The following THSD7B variants were observed in gnomAD, a reference collection of about 807,000 sequenced individuals.
THSD7B encodes the protein thrombospondin type-1 domain-containing protein 7B.
THSD7B carries 138 observed loss-of-function variants against 213.6 expected under a neutral mutation model. The ratio of observed to expected loss-of-function variants is 0.65; its 90% confidence interval spans 0.56 to 0.74. The LOEUF (loss-of-function observed/expected upper bound fraction) is 0.74. Ranked by LOEUF, THSD7B falls within the 30% of genes least tolerant of loss-of-function variation. The pLI is 0.00. For synonymous variants in THSD7B, 742 were observed against 687.0 expected (o/e 1.08, Z -1.25); for missense variants, 1,931 against 1,991.5 (o/e 0.97, Z 0.58).
At chr2:136,825,875 A>G (rs1430480532) in intron 1 of THSD7B, among the ~76,000 whole-genome samples, 4 of 152,116 alleles carry the variant, frequency 2.6e-5, no homozygotes, top group Non-Finnish European at 4.4e-5. Flanking sequence ...TTAAGTACAC[A>G]TATGACTAGA....
chr2:136,984,993 A>G (rs1211238901), intron 2 of THSD7B, among the ~76,000 whole-genome samples: 3 of 152,136 alleles, frequency 2.0e-5, no homozygotes, highest in Non-Finnish European at 4.4e-5. Context: ...GACTTAGGGT[A>G]TGTGGTTGAG....
intron 11 of THSD7B, among the ~76,000 whole-genome samples, chr2:137,275,614 T>A (rs1409171936): frequency 6.6e-6 from 1 of 151,882 alleles, no homozygotes; most frequent in African/African-American, 2.4e-5. Context: ...TCAGTGCCTC[T>A]AATGTTTATT....
At chr2:137,463,683 A>G (rs1051296218) in intron 15 of THSD7B, among the ~76,000 whole-genome samples, 1 of 152,072 alleles carries the variant, frequency 6.6e-6, no homozygotes, top group African/African-American at 2.4e-5. Flanking sequence ...AGAAGGACAT[A>G]TTGGGTTTTT....
At chr2:137,202,227 T>A (rs1167794107) in intron 7 of THSD7B, among the ~76,000 whole-genome samples, 3 of 152,166 alleles carry the variant, frequency 2.0e-5, no homozygotes, top group Non-Finnish European at 4.4e-5. Context: ...GCCTGAATGA[T>A]ACTTCTCCAA....
At chr2:137,400,756 T>C (rs1686335559) in intron 12 of THSD7B, among the ~76,000 whole-genome samples, 1 of 152,232 alleles carries the variant, frequency 6.6e-6, no homozygotes. Context: ...GTAGGATTTA[T>C]GCCCAACCTC....
intron 13 of THSD7B, among the ~76,000 whole-genome samples, chr2:137,410,889 G>C (rs188419249): frequency 2.0e-5 from 3 of 152,146 alleles, no homozygotes; most frequent in Admixed American, 1.3e-4. Context: ...CAAGTTACAG[G>C]CTGATTTAGA....
chr2:137,635,128 T>C (rs1682809670), intron 20 of THSD7B, among the ~76,000 whole-genome samples: 1 of 152,098 alleles, frequency 6.6e-6, no homozygotes, highest in African/African-American at 2.4e-5. Context: ...TACTAGCAAA[T>C]AGCAAATTTA....
chr2:137,500,509 A>T (rs544127019), intron 15 of THSD7B, among the ~76,000 whole-genome samples: 1 of 152,324 alleles, frequency 6.6e-6, no homozygotes, highest in South Asian at 2.1e-4. Flanking sequence ...AATGAGGCAA[A>T]TTAGGAAGGT....
chr2:137,378,021 G>A (rs78037135), intron 12 of THSD7B, among the ~76,000 whole-genome samples: 4,520 of 152,094 alleles, frequency 0.03, 232 homozygotes, highest in African/African-American at 0.1. Flanking sequence ...TCACTTCCAA[G>A]AGAAACACCT....
chr2:136,785,748 T>G (rs2114750), intron 1 of THSD7B, among the ~76,000 whole-genome samples: 21,953 of 152,204 alleles, frequency 0.14, 2,097 homozygotes, highest in African/African-American at 0.26. Context: ...GTTCAGAAAT[T>G]CAGTAAAGCT....
chr2:136,952,582 A>G (rs555149796), intron 2 of THSD7B, among the ~76,000 whole-genome samples: 37 of 152,210 alleles, frequency 2.4e-4, no homozygotes, highest in African/African-American at 8.4e-4. Context: ...TAAATCATCT[A>G]ACAGACCCAA....
chr2:137,349,738 A>AT (rs1465288223), intron 12 of THSD7B, among the ~76,000 whole-genome samples: 2 of 151,718 alleles, frequency 1.3e-5, no homozygotes, highest in East Asian at 3.9e-4. Flanking sequence ...ATTCTCTCTC[A>AT]TTTTTTAAAT....
At chr2:137,646,918 T>G (rs1167177707) in intron 21 of THSD7B, among the ~76,000 whole-genome samples, 1 of 152,176 alleles carries the variant, frequency 6.6e-6, no homozygotes, top group Non-Finnish European at 1.5e-5. Flanking sequence ...TTGCTACAAC[T>G]TCATGTCCTC....
intron 15 of THSD7B, among the ~76,000 whole-genome samples, chr2:137,495,204 A>G (rs1231963894): frequency 2.0e-5 from 3 of 152,166 alleles, no homozygotes; most frequent in African/African-American, 7.2e-5. Context: ...AATAACTTTA[A>G]TAAATATACT....
At chr2:136,938,283 G>A (rs984661318) in intron 2 of THSD7B, among the ~76,000 whole-genome samples, 4 of 152,188 alleles carry the variant, frequency 2.6e-5, no homozygotes, top group Non-Finnish European at 2.9e-5. Context: ...CTTGGTCACT[G>A]AACAGCTGAG....
At chr2:137,114,997 A>T (rs1369776601) in intron 4 of THSD7B, 127 bp from the exon 5 acceptor site, 2 of 975,998 alleles carry the variant, frequency 2.0e-6, no homozygotes, top group South Asian at 1.6e-5. Context: ...ATACTTCTTT[A>T]TCCACAGGCA....
At chr2:137,372,308 G>C (rs1481936692) in intron 12 of THSD7B, among the ~76,000 whole-genome samples, 1 of 140,996 alleles carries the variant, frequency 7.1e-6, no homozygotes, top group Admixed American at 7.2e-5. Context: ...AGGCCAGAGA[G>C]AGTCTGATAA....
chr2:136,875,947 T>C (rs894969711), intron 1 of THSD7B, among the ~76,000 whole-genome samples: 1 of 152,220 alleles, frequency 6.6e-6, no homozygotes, highest in African/African-American at 2.4e-5. Flanking sequence ...TCAATCTCTT[T>C]TTAGCTTCCC....
rs144163299 is a variant in THSD7B, at chr2:137,212,551, C to G, written c.1724-18493C>G. ...ATTTTAAAGCAAATTAAAACATTGT[C>G]TGAATTGGGACTAATTGGCTTTCAA... is the stretch of plus-strand genomic sequence containing the variant. On this transcript the variant is annotated intron_variant, in intron 7 of 27. Coordinates refer to ENST00000409968, the MANE Select transcript of THSD7B (RefSeq NM_001316349.2). 5.3e-5 allele frequency among the ~76,000 whole-genome samples: 8 copies of G among 152,098 alleles called. 1 individual carries two copies. Among genetic ancestry groups the G allele is most frequent in the African/African-American group, 1.9e-4 (8 of 41,522 alleles).
Sources: allele counts gnomAD v4.1 joint callset (sites outside exome capture counted in the v4.1 genomes callset), GRCh38; gene constraint gnomAD v4.1.1; transcripts MANE v1.5; gene names NCBI Gene and HGNC (gene_info 2026-07-23, HGNC 2026-07-21).